TUBB8: variants seen among roughly 807,000 people sequenced by gnomAD.
TUBB8 encodes tubulin beta-8 chain.
In TUBB8, 25 loss-of-function variants were observed where a neutral mutation model predicts 33.7. That is an observed-to-expected ratio of 0.74 (90% confidence interval 0.54 to 1.04). TUBB8 has a LOEUF of 1.04. Among genes scored for constraint, TUBB8 ranks in the 50% least tolerant of loss-of-function variants. The pLI is 0.00. For synonymous variants in TUBB8, 245 were observed against 240.1 expected (o/e 1.02, Z -0.19); for missense variants, 279 against 608.0 (o/e 0.46, Z 5.69).
rs868942374 is a variant in TUBB8, at chr10:72,244, T to A, written c.-846+1725A>T. On this transcript the variant is annotated intron_variant, in intron 1 of 3. Coordinates refer to the TUBB8 transcript ENST00000564130. The stretch of plus-strand genomic sequence containing the variant: ...CTGTCTCAAAAAACAAACAAAAAAA[T>A]TTTTTTAATTAAAAAAAAAAAAAAA... Among the ~76,000 whole-genome samples, 776 of 138,782 alleles carry A rather than the reference T, an allele frequency of 5.6e-3. 2 individuals are homozygous for A. The highest frequency in any genetic ancestry group is 0.019 in the African/African-American group (716 of 37,852). The allele number at this position is 138,782 out of a possible 152,430, so 91.0% of individuals were successfully genotyped here.
chr10:65,436 C>G (rs1554741457), intron 1 of TUBB8, among the ~76,000 whole-genome samples: 2 of 152,170 alleles, frequency 1.3e-5, no homozygotes, highest in African/African-American at 2.4e-5. Context: ...ATTAATAATG[C>G]TCAAGAGGCT....
upstream of TUBB8, among the ~76,000 whole-genome samples, chr10:51,386 C>T (rs1419843640): frequency 2.0e-5 from 3 of 151,944 alleles, no homozygotes; most frequent in African/African-American, 7.3e-5. Flanking sequence ...GGGATTACAG[C>T]TGATGATTTT....
intron 1 of TUBB8, among the ~76,000 whole-genome samples, chr10:66,501 T>C (rs1554741634): frequency 6.6e-6 from 1 of 152,148 alleles, no homozygotes; most frequent in Non-Finnish European, 1.5e-5. Flanking sequence ...ACTTAAAAAT[T>C]AGCTAGGTGT....
chr10:49,053 AC>A (rs1834423036), intron 1 of TUBB8, 128 bp downstream of exon 1: 1 of 1,122,906 alleles, frequency 8.9e-7, no homozygotes, highest in Admixed American at 2.9e-5. Flanking sequence ...CTCGCCAGCC[AC>A]CCGGTTCCAC....
chr10:67,450 G>T (rs1834685288), intron 1 of TUBB8, among the ~76,000 whole-genome samples: 1 of 151,970 alleles, frequency 6.6e-6, no homozygotes, highest in South Asian at 2.1e-4. Flanking sequence ...CCAGAGATGG[G>T]GTCTCACTCT....
At position 48,521 on chromosome 10, in the gene TUBB8, G is replaced by A. The variant is rs569826604; in HGVS notation, c.277+94C>T. 9 of 1,244,198 alleles carry A rather than the reference G, an allele frequency of 7.2e-6. No homozygotes were observed. The East Asian group carries it at 1.2e-4, about 16-fold the overall frequency. 77.1% of individuals were successfully genotyped at this position (1,244,198 alleles called of 1,614,324 possible). A position where few individuals can be genotyped will look rare whatever the true frequency, so the allele number is the denominator to read the frequency against. On this transcript the variant is annotated intron_variant, in intron 3 of 3. Coordinates refer to ENST00000568584, the MANE Select transcript of TUBB8 (RefSeq NM_177987.3). ...GATAGGAGGGTGTTCAGGGGCCCTA[G>A]CTCCACAGTTCCCAGAGGATGACCT...
chr10:69,404 T>TCA (rs566723349), intron 1 of TUBB8, among the ~76,000 whole-genome samples: 172 of 152,322 alleles, frequency 1.1e-3, no homozygotes, highest in African/African-American at 3.6e-3. Context: ...ATCCCTAAAG[T>TCA]CACAGCAGGT....
At position 47,915 on chromosome 10, in the gene TUBB8, G is replaced by T. The variant is rs782430342; in HGVS notation, c.477C>A (p.Tyr159Ter). ...TGAATGTGTTTATGATCCTGTCTGG[G>T]TACTCCTCCCGGATCTTACTGAGCA... ...TLLLSKIREE[Y>*]PDRIINTFSI... The change falls in exon 4 of 4, where the codon TAC becomes TAA. Residue 159 changes from tyrosine to a stop codon, truncating the protein, a stop_gained. Transcript: ENST00000568584. LOFTEE classifies it high-confidence loss of function. 7 of 1,614,172 alleles carry T rather than the reference G, an allele frequency of 4.3e-6. No individual in the cohort carries two copies. Among genetic ancestry groups the T allele is most frequent in the Non-Finnish European group, 5.9e-6 (7 of 1,180,042 alleles).
At chr10:76,524 T>C (rs1361913593), upstream of TUBB8, among the ~76,000 whole-genome samples, 4 of 151,884 alleles carry the variant, frequency 2.6e-5, no homozygotes, top group Non-Finnish European at 4.4e-5. Flanking sequence ...ACAGCGGACG[T>C]GGCCCCAGGT....
intron 1 of TUBB8, among the ~76,000 whole-genome samples, chr10:61,165 T>C (rs1312276750): frequency 6.6e-6 from 1 of 151,944 alleles, no homozygotes; most frequent in Non-Finnish European, 1.5e-5. Flanking sequence ...GCATGGCACA[T>C]GTATACATAT....
Position 48,803 on chromosome 10 carries a change from C to T in TUBB8, c.166+1G>A. The stretch of plus-strand genomic sequence containing the variant: ...CGGTGGGGGAAGGACGGGGGTCTCA[C>T]CGCTGGCCTCGTTGTAGTACACGTT... On this transcript the variant is annotated splice_donor_variant, in intron 2 of 3. Coordinates refer to ENST00000568584, the MANE Select transcript of TUBB8 (RefSeq NM_177987.3). LOFTEE classifies it high-confidence loss of function. 1 of 1,611,630 alleles carries T rather than the reference C, an allele frequency of 6.2e-7. No homozygotes were observed. The highest frequency in any genetic ancestry group is 8.5e-7 in the Non-Finnish European group (1 of 1,179,402).
At chr10:57,591 C>G (rs1834548170) in intron 1 of TUBB8, among the ~76,000 whole-genome samples, 1 of 152,150 alleles carries the variant, frequency 6.6e-6, no homozygotes. Flanking sequence ...GAAGCAGTGA[C>G]TGGAGTTGTA....
At chr10:70,418 T>C (rs184387536) in intron 1 of TUBB8, among the ~76,000 whole-genome samples, 6 of 152,124 alleles carry the variant, frequency 3.9e-5, no homozygotes, top group African/African-American at 9.7e-5. Flanking sequence ...TATCTCCTAA[T>C]GCTATCCCTC....
At chr10:65,284 T>C (rs1343905770) in intron 1 of TUBB8, among the ~76,000 whole-genome samples, 6 of 152,258 alleles carry the variant, frequency 3.9e-5, no homozygotes. Context: ...CTAATTTTTT[T>C]CCCCTAAACT....
rs1554738923 is a variant in TUBB8, at chr10:48,915, G to C, written c.58-3C>G. On this transcript the variant is annotated splice_polypyrimidine_tract_variant and splice_region_variant and intron_variant, in intron 1 of 3. Coordinates refer to ENST00000568584, the MANE Select transcript of TUBB8 (RefSeq NM_177987.3). Reference sequence around the variant, plus strand: ...TCATCAGAGATCACCTCCCAGAACTGCAAGAGACGGGAGGAGACAGACAGG... The same window carrying C: ...TCATCAGAGATCACCTCCCAGAACTCCAAGAGACGGGAGGAGACAGACAGG... 2.0e-6 allele frequency: 3 copies of C among 1,511,522 alleles called. No individual in the cohort carries two copies. The highest frequency in any genetic ancestry group is 1.4e-5 in the African/African-American group (1 of 72,438). 93.6% of individuals were successfully genotyped at this position (1,511,522 alleles called of 1,614,324 possible). A position where few individuals can be genotyped will look rare whatever the true frequency, so the allele number is the denominator to read the frequency against.
At chr10:76,094 G>A (rs1426280587), upstream of TUBB8, among the ~76,000 whole-genome samples, 2 of 147,874 alleles carry the variant, frequency 1.4e-5, no homozygotes, top group South Asian at 2.1e-4. Context: ...AGCCGAGATC[G>A]TGCCATTGCA....
In TUBB8 at chr10:46,964, G is replaced by A; in HGVS notation, c.*93C>T. The A allele has an allele frequency of 1.7e-6, 1 of 598,910 alleles. No homozygotes were observed. Among genetic ancestry groups the A allele is most frequent in the Non-Finnish European group, 2.9e-6 (1 of 340,546 alleles). 37.1% of individuals were successfully genotyped at this position (598,910 alleles called of 1,614,324 possible). A position where few individuals can be genotyped will look rare whatever the true frequency, so the allele number is the denominator to read the frequency against. The stretch of plus-strand genomic sequence containing the variant: ...TTTAAAACGCAGCAGGAGATGTGAA[G>A]ACACAAATTAACAAGCGTATAGTGA... On this transcript the variant is annotated 3_prime_UTR_variant, in exon 4 of 4. Coordinates refer to ENST00000568584, the MANE Select transcript of TUBB8 (RefSeq NM_177987.3).
intron 1 of TUBB8, among the ~76,000 whole-genome samples, chr10:58,809 C>A (rs1473926033): frequency 6.6e-6 from 1 of 152,212 alleles, no homozygotes; most frequent in Admixed American, 6.5e-5. Flanking sequence ...AGGGGACGCA[C>A]ATTCAAACCC....
At chr10:76,277 G>T (rs35942159), upstream of TUBB8, among the ~76,000 whole-genome samples, 10,566 of 152,038 alleles carry the variant, frequency 0.069, 388 homozygotes, top group Non-Finnish European at 0.081. Flanking sequence ...CCTCTCCGGG[G>T]ACCAGGGTCT....
Sources: allele counts gnomAD v4.1 joint callset (sites outside exome capture counted in the v4.1 genomes callset), GRCh38; gene constraint gnomAD v4.1.1; transcripts MANE v1.5; gene names NCBI Gene and HGNC (gene_info 2026-07-23, HGNC 2026-07-21).